The following MATCAP1 variants were observed in gnomAD, a reference collection of about 807,000 sequenced individuals.
MATCAP1 encodes microtubule associated tyrosine carboxypeptidase 1.
the MATCAP1 span, chr16:67,179,837 T>A: frequency 4.6e-5 from 75 of 1,614,230 alleles, no homozygotes; most frequent in African/African-American, 9.7e-4. The surrounding 1 kb of genome is among the most constrained non-coding windows in gnomAD (Gnocchi z 5.2). Context: ...GCCCTCCTTC[T>A]GCATGTATTT....
At chr16:67,178,987 T>A in the MATCAP1 span, 2 of 518,016 alleles carry the variant, frequency 3.9e-6, no homozygotes, top group South Asian at 4.2e-5. Context: ...TGCACCCCCC[T>A]GCCCAAACTG....
the MATCAP1 span, chr16:67,176,030 G>A: frequency 6.6e-6 from 1 of 151,934 alleles, no homozygotes; most frequent in East Asian, 1.9e-4. This position sits in a 1 kb window ranked among gnomAD's most constrained non-coding sequence, Gnocchi z 4.3. Context: ...GGAGCTCTTG[G>A]GCTTGACTCT....
chr16:67,179,035 A>G, the MATCAP1 span: 1 of 1,059,240 alleles, frequency 9.4e-7, no homozygotes, highest in East Asian at 6.7e-5. This position sits in a 1 kb window ranked among gnomAD's most constrained non-coding sequence, Gnocchi z 5.2. Flanking sequence ...TGTGTCCTCA[A>G]GTCAAGTCCA....
chr16:67,178,603 CG>C, the MATCAP1 span: 1 of 1,039,786 alleles, frequency 9.6e-7, no homozygotes, highest in Non-Finnish European at 1.4e-6. Context: ...GGGCTCTGGC[CG>C]CGACACTTCC....
the MATCAP1 span, chr16:67,180,167 C>G: frequency 1.4e-5 from 23 of 1,614,240 alleles, no homozygotes; most frequent in Admixed American, 6.7e-5. Flanking sequence ...GCTCACGGTC[C>G]ATGTTGGTTG....
chr16:67,179,981 T>C, the MATCAP1 span: 1 of 1,613,970 alleles, frequency 6.2e-7, no homozygotes, highest in Admixed American at 1.7e-5. This position sits in a 1 kb window ranked among gnomAD's most constrained non-coding sequence, Gnocchi z 5.2. Context: ...CCACAGTGGC[T>C]GGTCAGGACA....
the MATCAP1 span, chr16:67,183,371 T>C: frequency 3.3e-5 from 5 of 152,142 alleles, no homozygotes. Flanking sequence ...TCTTCAAGGC[T>C]CAGTTTAGGC....
chr16:67,179,264 T>G, the MATCAP1 span: 3 of 1,467,788 alleles, frequency 2.0e-6, no homozygotes, highest in Non-Finnish European at 1.8e-6. The surrounding 1 kb of genome is among the most constrained non-coding windows in gnomAD (Gnocchi z 5.2). Flanking sequence ...GGCCTACCTC[T>G]GTAAGCAGAG....
chr16:67,178,262 C>G, the MATCAP1 span: 1 of 1,566,446 alleles, frequency 6.4e-7, no homozygotes, highest in South Asian at 1.2e-5. Context: ...CGCACATCGG[C>G]GTCCTGCACG....
At chr16:67,178,747 GC>G in the MATCAP1 span, 1 of 549,500 alleles carries the variant, frequency 1.8e-6, no homozygotes, top group Non-Finnish European at 3.2e-6. Flanking sequence ...CCACCCATCC[GC>G]CCCCCACCCT....
the MATCAP1 span, chr16:67,178,918 C>T: frequency 4.7e-6 from 2 of 429,886 alleles, no homozygotes; most frequent in Admixed American, 6.6e-5. Context: ...CACTCTTGCC[C>T]AGAGCAACAG....
At chr16:67,178,125 C>T in the MATCAP1 span, 4 of 1,602,728 alleles carry the variant, frequency 2.5e-6, no homozygotes, top group Non-Finnish European at 3.4e-6. Context: ...GGCAGGAGGG[C>T]GGTGAGCCCC....
the MATCAP1 span, chr16:67,178,563 G>A: frequency 7.1e-7 from 1 of 1,413,576 alleles, no homozygotes; most frequent in Non-Finnish European, 9.6e-7. Flanking sequence ...CCGCCTGCGA[G>A]CCCAGCCCTG....
the MATCAP1 span, chr16:67,176,283 G>T: frequency 6.5e-6 from 1 of 153,222 alleles, no homozygotes; most frequent in Non-Finnish European, 1.5e-5. This position sits in a 1 kb window ranked among gnomAD's most constrained non-coding sequence, Gnocchi z 4.3. Flanking sequence ...CAAAATGTCG[G>T]AAAGCAGACC....
chr16:67,179,877 T>C, the MATCAP1 span: 1 of 1,614,230 alleles, frequency 6.2e-7, no homozygotes, highest in Non-Finnish European at 8.5e-7. The surrounding 1 kb of genome is among the most constrained non-coding windows in gnomAD (Gnocchi z 5.2). Flanking sequence ...TGGCACTTGG[T>C]GAGCAGCTGC....
At chr16:67,182,110 G>A in the MATCAP1 span, among the ~76,000 whole-genome samples, 14 of 152,266 alleles carry the variant, frequency 9.2e-5, no homozygotes, top group South Asian at 2.1e-4. Flanking sequence ...TTAGCTGGGC[G>A]TGGTGGCACA....
the MATCAP1 span, chr16:67,176,587 G>C: frequency 7.1e-6 from 3 of 424,072 alleles, no homozygotes; most frequent in Non-Finnish European, 1.2e-5. This position sits in a 1 kb window ranked among gnomAD's most constrained non-coding sequence, Gnocchi z 4.3. Context: ...GCAGGAGGGC[G>C]ACTCAGTTTG....
the MATCAP1 span, chr16:67,179,793 A>G: frequency 6.2e-7 from 1 of 1,613,016 alleles, no homozygotes; most frequent in Non-Finnish European, 8.5e-7. The surrounding 1 kb of genome is among the most constrained non-coding windows in gnomAD (Gnocchi z 5.2). Context: ...ATGTAGAGGA[A>G]GGGCTCTGCA....
the MATCAP1 span, chr16:67,178,655 C>T: frequency 1.3e-6 from 1 of 766,600 alleles, no homozygotes; most frequent in Non-Finnish European, 2.2e-6. Flanking sequence ...ACAGGCTCTC[C>T]CAGCCCCAGG....
Sources: gnomAD v4.1 joint callset for allele counts (sites outside exome capture counted in the v4.1 genomes callset) on GRCh38, gnomAD v4.1.1 for gene constraint, Gnocchi (gnomAD v3.1) non-coding constraint, MANE v1.5 for transcripts, NCBI Gene and HGNC (gene_info 2026-07-23, HGNC 2026-07-21) for gene names.